The following PSMG2 variants were observed in gnomAD, a reference collection of about 807,000 sequenced individuals.
The protein encoded by PSMG2 is CD40 ligand-activated specific transcript 3.
In PSMG2, 21 loss-of-function variants were observed where a neutral mutation model predicts 31.5. The observed-to-expected ratio is 0.67, with a 90% confidence interval of 0.47 to 0.96. The LOEUF (loss-of-function observed/expected upper bound fraction) is 0.96. Ranked by LOEUF, PSMG2 falls within the 40% of genes least tolerant of loss-of-function variation. The pLI is 0.00. For missense variants in PSMG2, 318 were observed against 321.2 expected (o/e 0.99, Z 0.08); for synonymous variants, 120 against 110.4 (o/e 1.09, Z -0.54).
At chr18:12,666,733 G>A (rs2038812011) in intron 1 of PSMG2, among the ~76,000 whole-genome samples, 1 of 150,346 alleles carries the variant, frequency 6.7e-6, no homozygotes, top group East Asian at 1.9e-4. Flanking sequence ...ACAGGCTTCA[G>A]TCACCACACC....
chr18:12,723,366 T>C (rs1219697600), intron 5 of PSMG2, among the ~76,000 whole-genome samples: 4 of 151,934 alleles, frequency 2.6e-5, no homozygotes, highest in African/African-American at 9.7e-5. Context: ...TAGGAGACTA[T>C]GTTTTGGAGT....
chr18:12,724,066 A>G (rs2040453934), intron 5 of PSMG2: 1 of 156,028 alleles, frequency 6.4e-6, no homozygotes, highest in Admixed American at 6.5e-5. Flanking sequence ...TTTCGGAAGA[A>G]GTAGGAACTT....
chr18:12,710,088 A>T (rs1385521877), intron 2 of PSMG2, among the ~76,000 whole-genome samples: 1 of 151,364 alleles, frequency 6.6e-6, no homozygotes, highest in Admixed American at 6.6e-5. Flanking sequence ...GACTACAGAC[A>T]CCCGCCATCA....
rs796927503 is a variant in PSMG2, at chr18:12,678,516, C to T, written c.-37+19743C>T. 3.8e-5 allele frequency: 38 copies of T among 1,000,984 alleles called. No individual in the cohort carries two copies. The African/African-American group carries it at 6.1e-4, about 16-fold the overall frequency. 62.0% of individuals were successfully genotyped at this position (1,000,984 alleles called of 1,614,324 possible). A position where few individuals can be genotyped will look rare whatever the true frequency, so the allele number is the denominator to read the frequency against. On this transcript the variant is annotated intron_variant, in intron 1 of 6. Transcript: ENST00000585331. ...GCAGCATCTTACTGAGAAAATTATT[C>T]TAACACTTAAGGCCATAACTACTTC...
intron 1 of PSMG2, among the ~76,000 whole-genome samples, chr18:12,659,863 A>G (rs1162265051): frequency 6.6e-6 from 1 of 152,204 alleles, no homozygotes; most frequent in Non-Finnish European, 1.5e-5. Flanking sequence ...CTTATGTGTG[A>G]CACTATATAC....
Position 12,703,290 on chromosome 18 carries a change from C to T in PSMG2, c.57+126C>T. 3.5e-6 allele frequency: 4 copies of T among 1,142,740 alleles called. No individual in the cohort carries two copies. In the South Asian group the frequency reaches 6.6e-5, roughly 19 times the overall value. 70.8% of individuals were successfully genotyped at this position (1,142,740 alleles called of 1,614,324 possible). A position where few individuals can be genotyped will look rare whatever the true frequency, so the allele number is the denominator to read the frequency against. ...ACTAGTTTCTATTTCATGTTTTCGG[C>T]CGGAAAAAACAGGGAGGTTGTAGCC... is the stretch of plus-strand genomic sequence containing the variant. On this transcript the variant is annotated intron_variant, in intron 1 of 6. Transcript: ENST00000317615.
upstream of PSMG2, chr18:12,702,772 A>T (rs1277645460): frequency 1.7e-6 from 1 of 583,416 alleles, no homozygotes; most frequent in Admixed American, 3.3e-5. Context: ...GTGGCGGACA[A>T]ACAGGGCTTG....
At chr18:12,720,077 C>T (rs994199162) in intron 4 of PSMG2, among the ~76,000 whole-genome samples, 1 of 145,008 alleles carries the variant, frequency 6.9e-6, no homozygotes, top group Admixed American at 6.8e-5. Flanking sequence ...GATGGAGTCT[C>T]ACTCTGTCAC....
chr18:12,668,984 C>T (rs2031799486), intron 1 of PSMG2, among the ~76,000 whole-genome samples: 1 of 149,266 alleles, frequency 6.7e-6, no homozygotes, highest in Admixed American at 6.7e-5. Context: ...AGGTGATCTG[C>T]CTGCCTCAGC....
chr18:12,703,281 T>C (rs535724613), intron 1 of PSMG2, 117 bp downstream of exon 1: 2 of 1,200,604 alleles, frequency 1.7e-6, no homozygotes, highest in Admixed American at 2.9e-5. Flanking sequence ...TTCTATTTCA[T>C]GTTTTCGGCC....
intron 1 of PSMG2, chr18:12,686,252 T>C (rs202206340): frequency 2.5e-6 from 4 of 1,597,990 alleles, no homozygotes; most frequent in Non-Finnish European, 3.4e-6. Flanking sequence ...CTATTATGTG[T>C]GTATAATACC....
At chr18:12,700,963 CAAAAT>C (rs1568035395), upstream of PSMG2, 1 of 1,612,162 alleles carries the variant, frequency 6.2e-7, no homozygotes, top group Admixed American at 1.7e-5. Context: ...CTCACAGTAA[CAAAAT>C]TAAGTTCTTT....
chr18:12,701,326 CAAA>C (rs923958865), upstream of PSMG2, among the ~76,000 whole-genome samples: 69 of 152,246 alleles, frequency 4.5e-4, no homozygotes, highest in African/African-American at 1.4e-3. Flanking sequence ...CATTTCTCCA[CAAA>C]CAACACTCAA....
chr18:12,676,854 T>C (rs1038838807), intron 1 of PSMG2, among the ~76,000 whole-genome samples: 14 of 152,184 alleles, frequency 9.2e-5, no homozygotes, highest in Non-Finnish European at 1.2e-4. Flanking sequence ...GAGAACATGT[T>C]TGATAAATCA....
chr18:12,696,659 T>C (rs2039968321), intron 1 of PSMG2, among the ~76,000 whole-genome samples: 1 of 152,196 alleles, frequency 6.6e-6, no homozygotes, highest in Non-Finnish European at 1.5e-5. Flanking sequence ...TTAGCAAGTA[T>C]GTGTTACATA....
intron 5 of PSMG2, among the ~76,000 whole-genome samples, chr18:12,722,456 GGGC>G (rs2040439974): frequency 6.6e-6 from 1 of 152,174 alleles, no homozygotes. Context: ...GAGAATCCGA[GGGC>G]AGGGGTGCTG....
At chr18:12,724,677 C>G (rs753938325) in intron 6 of PSMG2, 58 bp downstream of exon 6, 1 of 1,466,330 alleles carries the variant, frequency 6.8e-7, no homozygotes, top group Non-Finnish European at 9.1e-7. Context: ...TTAACTCGCA[C>G]TTTATATACT....
At chr18:12,687,454 ATTTTTTT>A (rs1259960536) in intron 1 of PSMG2, among the ~76,000 whole-genome samples, 1 of 140,736 alleles carries the variant, frequency 7.1e-6, no homozygotes, top group African/African-American at 2.6e-5. Flanking sequence ...GAAGGCATCA[ATTTTTTT>A]TTTTTTTTTT....
intron 3 of PSMG2, among the ~76,000 whole-genome samples, chr18:12,713,939 C>T (rs34632667): frequency 0.24 from 35,892 of 151,888 alleles, 4,955 homozygotes; most frequent in Non-Finnish European, 0.32. Context: ...TTAGTAGAGA[C>T]GGGGTTTTGC....
Sources: gnomAD v4.1 joint callset for allele counts (sites outside exome capture counted in the v4.1 genomes callset) on GRCh38, gnomAD v4.1.1 for gene constraint, MANE v1.5 for transcripts, NCBI Gene and HGNC (gene_info 2026-07-23, HGNC 2026-07-21) for gene names.